The following ADGRG4 variants were observed in gnomAD, a reference collection of about 807,000 sequenced individuals.
ADGRG4 encodes the protein adhesion G protein-coupled receptor G4.
ADGRG4 carries 122 observed loss-of-function variants against 126.2 expected under a neutral mutation model. That is an observed-to-expected ratio of 0.97 (90% CI 0.83 to 1.12). The LOEUF (loss-of-function observed/expected upper bound fraction) is 1.12, where lower values mean the gene tolerates loss of function less well. Ranked by LOEUF, ADGRG4 falls within the 50% of genes most tolerant of loss-of-function variation. The pLI is 0.00. For missense variants in ADGRG4, 2,481 were observed against 2,251.8 expected (o/e 1.10, Z -2.06); for synonymous variants, 943 against 838.7 (o/e 1.12, Z -2.15).
At chrX:136,380,634 T>TTCTTCTTCC in intron 15 of ADGRG4, among the ~76,000 whole-genome samples, 1 of 85,211 alleles carries the variant, frequency 1.2e-5, no homozygotes, top group Non-Finnish European at 2.3e-5. Flanking sequence ...CTTCTTCTTC[T>TTCTTCTTCC]TCTTCTTCTT....
intron 23 of ADGRG4, among the ~76,000 whole-genome samples, chrX:136,406,905 G>T (rs2075415078): frequency 9.7e-6 from 1 of 102,988 alleles, no homozygotes; most frequent in South Asian, 4.4e-4. Context: ...AACAAAGAGA[G>T]ACTCTGTCAA....
chrX:136,308,655 G>A lies in ADGRG4; in HGVS notation c.-9-114G>A, dbSNP rs1433593764. The A allele has an allele frequency of 5.5e-5, 29 of 522,683 alleles. No individual in the cohort carries two copies. The African/African-American group carries it at 6.1e-4, about 11-fold the overall frequency. The allele number at this position is 522,683 out of a possible 1,213,427, so 43.1% of individuals were successfully genotyped here. ...ATGTGGTTGGCTGACATGACTTTAA[G>A]CAATAGGAAAAAACCCTTAGGTGGT... is the stretch of plus-strand genomic sequence containing the variant. On this transcript the variant is annotated intron_variant, in intron 3 of 25. Transcript: ENST00000394143.
At chrX:136,359,528 G>T in intron 11 of ADGRG4, 73 bp downstream of exon 11, 7 of 796,718 alleles carry the variant, frequency 8.8e-6, no homozygotes, top group Non-Finnish European at 1.2e-5. Context: ...ATGCATACTT[G>T]GTTAAGGATT....
chrX:136,406,739 C>T (rs2075413485), intron 23 of ADGRG4, among the ~76,000 whole-genome samples: 1 of 110,496 alleles, frequency 9.1e-6, no homozygotes, highest in Non-Finnish European at 1.9e-5. Flanking sequence ...CATGGTGAAA[C>T]CCCGTCTCTA....
chrX:136,345,578 C>A lies in ADGRG4; in HGVS notation c.1872C>A (p.Ser624=). The change falls in exon 6 of 26, where the codon TCC becomes TCA. Residue 624 remains serine, a synonymous_variant. Transcript: ENST00000394143. ...TADGHLLTLM[S]TRSASTSKAP... is the part of the protein sequence containing the mutation. ...ATGGACACTTGCTTACTTTGATGTC[C>A]ACTAGATCAGCTTCCACATCCAAGG... The A allele has an allele frequency of 8.3e-7, 1 of 1,210,427 alleles. No homozygotes were observed. Among genetic ancestry groups the A allele is most frequent in the Non-Finnish European group, 1.1e-6 (1 of 894,657 alleles).
intron 15 of ADGRG4, among the ~76,000 whole-genome samples, chrX:136,381,321 G>A (rs141238787): frequency 0.014 from 1,590 of 110,150 alleles, 28 homozygotes; most frequent in African/African-American, 0.049. Flanking sequence ...GCACAATCAC[G>A]ACTCACTGTA....
At chrX:136,404,230 TC>T in intron 22 of ADGRG4, among the ~76,000 whole-genome samples, 1 of 110,805 alleles carries the variant, frequency 9.0e-6, no homozygotes, top group East Asian at 2.8e-4. Context: ...CATTTTCTCT[TC>T]CCTTCCTTCT....
At chrX:136,315,101 A>G (rs2074797044) in intron 4 of ADGRG4, among the ~76,000 whole-genome samples, 1 of 110,105 alleles carries the variant, frequency 9.1e-6, no homozygotes, top group Non-Finnish European at 1.9e-5. Context: ...TCAGGGTTGG[A>G]CGCTTCTATA....
In ADGRG4 at chrX:136,348,161, C is replaced by T. The variant is rs868396007; in HGVS notation, c.4455C>T (p.Ile1485=). ...GTTTTACAGTTCTCTCCGACAGGAT[C>T]ACTACAGCCTTTTCTGTTCCAAATG... ...NDGFTVLSDR[I]TTAFSVPNVP... is the part of the protein sequence containing the mutation. The change falls in exon 6 of 26, where the codon ATC becomes ATT. Residue 1485 remains isoleucine (I), a synonymous_variant. Coordinates refer to ENST00000394143, the MANE Select transcript of ADGRG4 (RefSeq NM_153834.4). 2 of 1,208,602 alleles carry T rather than the reference C, an allele frequency of 1.7e-6. No homozygotes were observed. The highest frequency in any genetic ancestry group is 1.1e-6 in the Non-Finnish European group (1 of 892,807).
At chrX:136,414,898 A>C (rs998076812) in intron 25 of ADGRG4, among the ~76,000 whole-genome samples, 3 of 112,379 alleles carry the variant, frequency 2.7e-5, no homozygotes, top group Non-Finnish European at 5.6e-5. Flanking sequence ...CTTCCATAGG[A>C]AGCCATATTT....
In ADGRG4 at chrX:136,323,204, A is replaced by G; in HGVS notation, c.497A>G (p.Asn166Ser). The change falls in exon 5 of 26, where the codon AAT becomes AGT. Residue 166 changes from asparagine (N) to serine (S), a missense_variant. Coordinates refer to ENST00000394143, the MANE Select transcript of ADGRG4 (RefSeq NM_153834.4). ...CTGTTCCTAGGGCACTTTCTCAAGA[A>G]TGAGAGCAGCGAGGTTAAAAGCATG... ...GTLFLGHFLK[N>S]ESSEVKSMMR... 5.0e-6 allele frequency: 6 copies of G among 1,211,624 alleles called. No individual in the cohort carries two copies. Among genetic ancestry groups the G allele is most frequent in the Non-Finnish European group, 6.7e-6 (6 of 895,334 alleles).
chrX:136,335,583 G>A (rs997107989), intron 5 of ADGRG4, among the ~76,000 whole-genome samples: 1 of 111,124 alleles, frequency 9.0e-6, no homozygotes, highest in Non-Finnish European at 1.9e-5. Context: ...TCCTCTTGAT[G>A]GAGCTTTGGT....
At chrX:136,399,795 A>AT in intron 20 of ADGRG4, 53 bp from the exon 21 acceptor site, 1 of 1,031,959 alleles carries the variant, frequency 9.7e-7, no homozygotes, top group South Asian at 2.2e-5. Context: ...GCGATGTTTA[A>AT]TTAAAAAAAA....
chrX:136,349,363 C>T lies in ADGRG4; in HGVS notation c.5657C>T (p.Pro1886Leu), dbSNP rs1395986194. ...CTGCTTATGACTTCCTGGAACATAC[C>T]CACAGCTGAAGGTTCTCAGTTTCCA... ...QPLLMTSWNIPTAEGSQFPIS... is the reference protein window; with the variant it reads ...QPLLMTSWNILTAEGSQFPIS... Residue 1886 changes from proline to leucine, a missense_variant, in exon 6 of 26, where the codon CCC (proline) becomes CTC (leucine). Transcript: ENST00000394143. The T allele has an allele frequency of 8.3e-7, 1 of 1,206,821 alleles. No individual in the cohort carries two copies. Among genetic ancestry groups the T allele is most frequent in the African/African-American group, 1.7e-5 (1 of 57,530 alleles).
intron 5 of ADGRG4, among the ~76,000 whole-genome samples, chrX:136,338,098 C>T (rs1488374777): frequency 9.2e-6 from 1 of 109,054 alleles, no homozygotes; most frequent in Non-Finnish European, 1.9e-5. Flanking sequence ...ACTATTAAGT[C>T]CATCCAGCTC....
intron 5 of ADGRG4, among the ~76,000 whole-genome samples, chrX:136,330,895 C>A (rs965197915): frequency 9.0e-6 from 1 of 110,979 alleles, no homozygotes; most frequent in African/African-American, 3.3e-5. Flanking sequence ...AGTATAGTCA[C>A]CCTGCTGTGC....
rs1399573706 is a variant in ADGRG4 at position 136,349,452 on chromosome X, C to A, written c.5746C>A (p.Pro1916Thr). 1.8e-5 allele frequency: 22 copies of A among 1,205,931 alleles called. No homozygotes were observed. The highest frequency in any genetic ancestry group is 2.5e-5 in the Non-Finnish European group (22 of 891,697). Residue 1916 changes from proline to threonine, a missense_variant, in exon 6 of 26, where the codon CCT (proline) becomes ACT (threonine). Pro to Thr is a conservative substitution (Grantham distance 38). Transcript: ENST00000394143. Reference protein sequence around the residue: ...EMETETLHLVPGPLSTFTASQ... With the variant: ...EMETETLHLVTGPLSTFTASQ... ...GGAAACAGAGACTCTACACCTTGTTCCTGGGCCTTTGTCAACATTCACAGC... is the reference window on the plus strand; with the variant it reads ...GGAAACAGAGACTCTACACCTTGTTACTGGGCCTTTGTCAACATTCACAGC...
chrX:136,349,696 C>T lies in ADGRG4; in HGVS notation c.5990C>T (p.Ser1997Leu), dbSNP rs1569324823. Residue 1997 changes from serine (S) to leucine (L), a missense_variant, in exon 6 of 26, where the codon TCA becomes TTA. By Grantham distance (145) the Ser-to-Leu change is moderately radical (BLOSUM62 -2). Transcript: ENST00000394143. The stretch of plus-strand genomic sequence containing the variant: ...CCATCAATTCTTTCTGGTGCCACTT[C>T]AGGATCTGTAATTTCAAAGTCACCC... Reference protein sequence around the residue: ...TLPSILSGATSGSVISKSPIL... With the variant: ...TLPSILSGATLGSVISKSPIL... The T allele has an allele frequency of 3.3e-6, 4 of 1,210,972 alleles. No homozygotes were observed. The highest frequency in any genetic ancestry group is 4.5e-6 in the Non-Finnish European group (4 of 895,082).
chrX:136,307,453 C>G (rs1261536107), intron 3 of ADGRG4, among the ~76,000 whole-genome samples: 1 of 112,033 alleles, frequency 8.9e-6, no homozygotes, highest in Non-Finnish European at 1.9e-5. Flanking sequence ...ATTTAGACAC[C>G]CCCTTACTTC....
Sources: gnomAD v4.1 joint callset for allele counts (sites outside exome capture counted in the v4.1 genomes callset) on GRCh38, gnomAD v4.1.1 for gene constraint, MANE v1.5 for transcripts, NCBI Gene and HGNC (gene_info 2026-07-23, HGNC 2026-07-21) for gene names.